MVD: variants seen among roughly 807,000 people sequenced by gnomAD.
MVD encodes diphosphomevalonate decarboxylase.
In MVD, 52 loss-of-function variants were observed where a neutral mutation model predicts 42.4. The observed-to-expected ratio is 1.23, with a 90% CI of 0.98 to 1.55. The LOEUF (loss-of-function observed/expected upper bound fraction) is 1.55. Ranked by LOEUF, MVD falls within the 40% of genes most tolerant of loss-of-function variation. The pLI is 0.00. For synonymous variants in MVD, 287 were observed against 243.2 expected, an observed-to-expected ratio of 1.18 and a Z score of -1.68; for missense variants, 663 against 572.1, an observed-to-expected ratio of 1.16 and a Z score of -1.62.
chr16:88,652,378 T>C lies in MVD; in HGVS notation c.*147A>G, dbSNP rs1401241151. The C allele has an allele frequency of 4.6e-6, 4 of 868,940 alleles. No individual in the cohort carries two copies. In the African/African-American group the frequency reaches 6.6e-5, roughly 14 times the overall value. The allele number at this position is 868,940 out of a possible 1,614,324, so 53.8% of individuals were successfully genotyped here. ...ACACCTGGGCGGCCGCAGGACTCCC[T>C]GCACTGCCCCACAGCAAGCTGCCCA... On this transcript the variant is annotated 3_prime_UTR_variant, in exon 10 of 10. Coordinates refer to ENST00000301012, the MANE Select transcript of MVD (RefSeq NM_002461.3).
Position 88,652,023 on chromosome 16 carries a change from G to A in MVD, c.*502C>T, listed in dbSNP as rs926010128. 3.0e-5 allele frequency: 6 copies of A among 200,746 alleles called. No individual in the cohort carries two copies. Among genetic ancestry groups the A allele is most frequent in the East Asian group, 3.4e-4 (2 of 5,890 alleles). 12.4% of individuals were successfully genotyped at this position (200,746 alleles called of 1,614,324 possible). ...CCACCATTCCAGCCACACCCAGGCCGTGGGCAGCCACCCTCCGAGACACCT... is the reference window on the plus strand; with the variant it reads ...CCACCATTCCAGCCACACCCAGGCCATGGGCAGCCACCCTCCGAGACACCT... On this transcript the variant is annotated 3_prime_UTR_variant, in exon 10 of 10. Coordinates refer to ENST00000301012, the MANE Select transcript of MVD (RefSeq NM_002461.3).
intron 6 of MVD, 44 bp from the exon 7 acceptor site, chr16:88,655,461 G>A (rs756640085): frequency 2.0e-5 from 31 of 1,536,244 alleles, no homozygotes; most frequent in African/African-American, 2.7e-5. Context: ...TGGGGGTCTC[G>A]ACAGCAGAGG....
intron 8 of MVD, among the ~76,000 whole-genome samples, chr16:88,653,835 C>T (rs1053712862): frequency 1.3e-5 from 2 of 152,074 alleles, no homozygotes; most frequent in African/African-American, 4.8e-5. Flanking sequence ...AAGCCCCACC[C>T]GGAGCAGCAG....
rs1465856301 is a variant in MVD at position 88,655,387 on chromosome 16, T to C, written c.709A>G (p.Met237Val). The C allele has an allele frequency of 1.9e-6, 3 of 1,592,050 alleles. No individual in the cohort carries two copies. The highest frequency in any genetic ancestry group is 2.6e-6 in the Non-Finnish European group (3 of 1,171,262). ...CGGATGCAGCGGGCCATCTCCGCCA[T>C]GCGCGCGGGCACCACGGACTCGGCC... ...FRAESVVPAR[M>V]AEMARCIRER... The change falls in exon 7 of 10, where the codon ATG becomes GTG. Residue 237 changes from methionine to valine, a missense_variant. By Grantham distance (21) the Met-to-Val change is conservative (BLOSUM62 1). Coordinates refer to ENST00000301012, the MANE Select transcript of MVD (RefSeq NM_002461.3).
intron 1 of MVD, chr16:88,662,596 C>G (rs1240693357): frequency 2.0e-5 from 19 of 970,472 alleles, no homozygotes; most frequent in Non-Finnish European, 2.5e-5. Context: ...GCTGGGGGAG[C>G]AGTGGCGCGA....
chr16:88,652,752 A>T, intron 9 of MVD, 147 bp from the exon 10 acceptor site: 1 of 753,656 alleles, frequency 1.3e-6, no homozygotes, highest in Non-Finnish European at 2.2e-6. Flanking sequence ...CTGAGTGGTG[A>T]CACCCACACG....
In MVD at chr16:88,652,150, C is replaced by A. The variant is rs1043262455; in HGVS notation, c.*375G>T. 4 of 351,550 alleles carry A rather than the reference C, an allele frequency of 1.1e-5. No individual in the cohort carries two copies. Among genetic ancestry groups the A allele is most frequent in the Non-Finnish European group, 2.2e-5 (4 of 185,812 alleles). The allele number at this position is 351,550 out of a possible 1,614,324, so 21.8% of individuals were successfully genotyped here. On this transcript the variant is annotated 3_prime_UTR_variant, in exon 10 of 10. Transcript: ENST00000301012. ...AGGAGGCTGCTCCCAGCACGGTGAC[C>A]CCTTCCCTGGTCCGCTGGAGGGACC... is the stretch of plus-strand genomic sequence containing the variant.
chr16:88,662,932 C>T (rs1231390605), intron 1 of MVD, 79 bp downstream of exon 1: 1 of 1,544,344 alleles, frequency 6.5e-7, no homozygotes, highest in African/African-American at 1.4e-5. Flanking sequence ...CGGAGCGCGC[C>T]GCCGAATCAG....
At chr16:88,662,593 G>T in intron 1 of MVD, 1 of 952,202 alleles carries the variant, frequency 1.1e-6, no homozygotes, top group Non-Finnish European at 1.3e-6. Flanking sequence ...CGGGCTGGGG[G>T]AGCAGTGGCG....
At chr16:88,660,290 C>G (rs891741411) in intron 1 of MVD, among the ~76,000 whole-genome samples, 6 of 152,174 alleles carry the variant, frequency 3.9e-5, no homozygotes, top group African/African-American at 1.4e-4. Flanking sequence ...CCAGCTCAAA[C>G]GTAAGGTTTA....
At position 88,656,157 on chromosome 16, in the gene MVD, C is replaced by T. The variant is rs752905131; in HGVS notation, c.551G>A (p.Arg184Gln). The T allele has an allele frequency of 1.9e-6, 3 of 1,602,238 alleles. No homozygotes were observed. Among genetic ancestry groups the T allele is most frequent in the Non-Finnish European group, 2.5e-6 (3 of 1,179,926 alleles). Residue 184 changes from arginine to glutamine, a missense_variant, in exon 5 of 10, where the codon CGG (arginine) becomes CAG (glutamine). Physicochemically the swap from Arg to Gln is conservative, Grantham distance 43. Transcript: ENST00000301012. ...CCAGTGTGACTCGGGGGCCACTTGC[C>T]GAGCGATGCTGTCCTTCCCGTCGGC... ...EQADGKDSIA[R>Q]QVAPESHWPE...
At position 88,656,046 on chromosome 16, in the gene MVD, A is replaced by G. The variant is rs543514410; in HGVS notation, c.603+59T>C. 65 of 1,521,808 alleles carry G rather than the reference A, an allele frequency of 4.3e-5. 2 individuals are homozygous for G. In the South Asian group the frequency reaches 7.7e-4, roughly 18 times the overall value. The allele number at this position is 1,521,808 out of a possible 1,614,324, so 94.3% of individuals were successfully genotyped here. A position where few individuals can be genotyped will look rare whatever the true frequency, so the allele number is the denominator to read the frequency against. ...CGCCTTCGCTCCTGCTCCCGGCAGC[A>G]GCCCTGACTAGGGACAGAGGCCACC... is the stretch of plus-strand genomic sequence containing the variant. On this transcript the variant is annotated intron_variant, in intron 5 of 9. Transcript: ENST00000301012.
Position 88,652,480 on chromosome 16 carries a change from G to A in MVD, c.*45C>T, listed in dbSNP as rs373988455. The A allele has an allele frequency of 2.1e-5, 33 of 1,545,656 alleles. No homozygotes were observed. The highest frequency in any genetic ancestry group is 2.6e-5 in the Non-Finnish European group (30 of 1,142,846). On this transcript the variant is annotated 3_prime_UTR_variant, in exon 10 of 10. Coordinates refer to ENST00000301012, the MANE Select transcript of MVD (RefSeq NM_002461.3). Reference sequence around the variant, plus strand: ...ACCACATCCGCTCCCTAGCTCCGGCGAGGCCACCCCTTCTCCAAGCGGCAT... The same window carrying A: ...ACCACATCCGCTCCCTAGCTCCGGCAAGGCCACCCCTTCTCCAAGCGGCAT...
At chr16:88,657,848 G>A in intron 3 of MVD, 67 bp downstream of exon 3, 2 of 1,516,434 alleles carry the variant, frequency 1.3e-6, no homozygotes, top group Non-Finnish European at 1.8e-6. Context: ...AGAGGCAGAA[G>A]CACTTTCTGG....
chr16:88,653,347 C>A lies in MVD; in HGVS notation c.1075G>T (p.Ala359Ser). 1.3e-6 allele frequency: 2 copies of A among 1,599,068 alleles called. No individual in the cohort carries two copies. Among genetic ancestry groups the A allele is most frequent in the South Asian group, 1.1e-5 (1 of 89,140 alleles). The change falls in exon 9 of 10, where the codon GCC (alanine) becomes TCC (serine). Residue 359 changes from alanine (A) to serine (S), a missense_variant. By Grantham distance (99) the Ala-to-Ser change is moderately conservative (BLOSUM62 1). Transcript: ENST00000301012. Reference sequence around the variant, plus strand: ...ACCCCACCGGGGGTCGGCTCCATGGCCAGCGCAGCCTGAAGCTCAGCTGAG... The same window carrying A: ...ACCCCACCGGGGGTCGGCTCCATGGACAGCGCAGCCTGAAGCTCAGCTGAG... The part of the protein sequence containing the change: ...PLSAELQAAL[A>S]MEPTPGGVKY...
In MVD at chr16:88,657,916, C is replaced by T; in HGVS notation, c.255G>A (p.Glu85=). 2.5e-6 allele frequency: 4 copies of T among 1,613,384 alleles called. No homozygotes were observed. Among genetic ancestry groups the T allele is most frequent in the Non-Finnish European group, 3.4e-6 (4 of 1,179,934 alleles). ...GQPRLQACLR[E]IRCLARKRRN... Reference sequence around the variant, plus strand: ...GGGCTTATGGGGACCCCAGCTCACTCTCCCGCAGGCAGGCCTGCAGCCGCG... The same window carrying T: ...GGGCTTATGGGGACCCCAGCTCACTTTCCCGCAGGCAGGCCTGCAGCCGCG... The change falls in exon 3 of 10, where the codon GAG becomes GAA. Residue 85 remains glutamate, a splice_region_variant and synonymous_variant. Transcript: ENST00000301012.
rs57279356 is a variant in MVD, at chr16:88,656,180, G to A, written c.528C>T (p.Ala176=). The change falls in exon 5 of 10, where the codon GCC becomes GCT. Residue 176 remains alanine (A), a synonymous_variant. Transcript: ENST00000301012. The part of the protein sequence containing the change: ...GFVEWQMGEQ[A]DGKDSIARQV... Reference sequence around the variant, plus strand: ...GCCGAGCGATGCTGTCCTTCCCGTCGGCCTGCTCTCCCATCTGCCACTCCA... The same window carrying A: ...GCCGAGCGATGCTGTCCTTCCCGTCAGCCTGCTCTCCCATCTGCCACTCCA... 646 of 1,601,834 alleles carry A rather than the reference G, an allele frequency of 4.0e-4. 2 individuals are homozygous for A. In the African/African-American group the frequency reaches 7.9e-3, roughly 20 times the overall value.
chr16:88,661,842 T>TA, intron 1 of MVD, among the ~76,000 whole-genome samples: 1 of 53,204 alleles, frequency 1.9e-5, no homozygotes, highest in South Asian at 5.4e-4. Context: ...GACAGTTTCT[T>TA]TAAAAAAAAA....
At chr16:88,653,260 A>C (rs1434688378) in intron 9 of MVD, 40 bp downstream of exon 9, 2 of 1,539,656 alleles carry the variant, frequency 1.3e-6, no homozygotes, top group South Asian at 1.2e-5. Flanking sequence ...CCCTGGCAGG[A>C]AAGGAAACCC....
Sources: gnomAD v4.1 joint callset for allele counts (sites outside exome capture counted in the v4.1 genomes callset) on GRCh38, gnomAD v4.1.1 for gene constraint, MANE v1.5 for transcripts, NCBI Gene and HGNC (gene_info 2026-07-23, HGNC 2026-07-21) for gene names.